EXOC2: variants seen among roughly 807,000 people sequenced by gnomAD.
The protein encoded by EXOC2 is SEC5-like 1.
A neutral mutation model predicts 131.8 loss-of-function variants in EXOC2; 70 were observed. That is an observed-to-expected ratio of 0.53 (90% confidence interval 0.44 to 0.65). The LOEUF is 0.65. Ranked by LOEUF, EXOC2 falls within the 30% of genes least tolerant of loss-of-function variation. The pLI, the probability that EXOC2 is intolerant of heterozygous loss-of-function variation, is 0.00. For missense variants in EXOC2, 923 were observed against 1,108.6 expected (o/e 0.83, Z 2.38); for synonymous variants, 411 against 398.4 (o/e 1.03, Z -0.38).
intron 10 of EXOC2, 123 bp from the exon 11 acceptor site, chr6:592,710 A>C (rs1759609438): frequency 1.5e-6 from 1 of 659,378 alleles, no homozygotes; most frequent in Admixed American, 2.9e-5. Flanking sequence ...AGTCTTTAAT[A>C]TTTAATTCTC....
In EXOC2 at chr6:549,992, CAG is replaced by C. The variant is rs528957360; in HGVS notation, c.2122-703_2122-702del. Among the ~76,000 whole-genome samples the C allele has an allele frequency of 6.0e-4, 92 of 152,340 alleles. 2 individuals are homozygous for C. In the South Asian group the frequency reaches 0.019, roughly 31 times the overall value. ...TAAAGTAATTTCTTACGAAAACTAC[CAG>C]ACACAAATGCTGATAAACACAGTGT... On this transcript the variant is annotated intron_variant, in intron 21 of 27. Transcript: ENST00000230449.
At chr6:608,031 A>G (rs1332889154) in intron 7 of EXOC2, among the ~76,000 whole-genome samples, 1 of 152,276 alleles carries the variant, frequency 6.6e-6, no homozygotes, top group Non-Finnish European at 1.5e-5. Context: ...ACATTAGTAT[A>G]TAATTATACA....
intron 16 of EXOC2, among the ~76,000 whole-genome samples, chr6:563,554 G>A (rs1382696085): frequency 2.0e-5 from 3 of 151,970 alleles, no homozygotes; most frequent in Non-Finnish European, 2.9e-5. Context: ...AAACCTTTAT[G>A]GTTTTTTTAT....
chr6:605,308 T>C (rs142549057), intron 7 of EXOC2, among the ~76,000 whole-genome samples: 12 of 152,358 alleles, frequency 7.9e-5, no homozygotes, highest in African/African-American at 1.7e-4. Flanking sequence ...AAAACGTTTG[T>C]TGAAACATTA....
intron 1 of EXOC2, among the ~76,000 whole-genome samples, chr6:682,294 G>A (rs1041327794): frequency 4.6e-5 from 7 of 151,554 alleles, no homozygotes; most frequent in Admixed American, 3.9e-4. Context: ...CTGCCTTCCG[G>A]GTTCATGCCA....
At chr6:641,383 C>G (rs1397989158) in intron 1 of EXOC2, among the ~76,000 whole-genome samples, 1 of 152,122 alleles carries the variant, frequency 6.6e-6, no homozygotes, top group Non-Finnish European at 1.5e-5. Flanking sequence ...TATTCATGAT[C>G]CTCTCAAACC....
intron 1 of EXOC2, among the ~76,000 whole-genome samples, chr6:688,313 T>C (rs553024033): frequency 1.4e-4 from 21 of 150,932 alleles, no homozygotes; most frequent in Middle Eastern, 3.4e-3. Context: ...CATGGATTTA[T>C]AGGGGCACAG....
At chr6:652,308 T>C (rs1317511871) in intron 1 of EXOC2, among the ~76,000 whole-genome samples, 1 of 152,228 alleles carries the variant, frequency 6.6e-6, no homozygotes, top group Non-Finnish European at 1.5e-5. Flanking sequence ...CACATCTTAG[T>C]AAGCCAGAGG....
At chr6:522,564 C>G (rs188155920) in intron 23 of EXOC2, among the ~76,000 whole-genome samples, 2 of 142,094 alleles carry the variant, frequency 1.4e-5, no homozygotes, top group African/African-American at 2.7e-5. Flanking sequence ...GCCAGGCCCA[C>G]GTGGACGACA....
At chr6:658,662 TA>T (rs1441779121) in intron 1 of EXOC2, among the ~76,000 whole-genome samples, 55 of 68,662 alleles carry the variant, frequency 8.0e-4, no homozygotes, top group African/African-American at 2.5e-3. Flanking sequence ...TATATATATA[TA>T]TATTTTTTTT....
chr6:580,539 A>T (rs1483343124), intron 11 of EXOC2, among the ~76,000 whole-genome samples: 1 of 152,046 alleles, frequency 6.6e-6, no homozygotes, highest in African/African-American at 2.4e-5. Context: ...GCAGGAAATG[A>T]TTACCTTGGG....
At chr6:535,447 A>G (rs1418408745) in intron 22 of EXOC2, among the ~76,000 whole-genome samples, 1 of 152,182 alleles carries the variant, frequency 6.6e-6, no homozygotes, top group Non-Finnish European at 1.5e-5. Context: ...ATGAAGAAAT[A>G]AAGAAAAAAA....
chr6:510,097 C>A (rs755411947), intron 23 of EXOC2, among the ~76,000 whole-genome samples: 2 of 151,320 alleles, frequency 1.3e-5, no homozygotes, highest in Admixed American at 1.3e-4. Flanking sequence ...GAAATTACTG[C>A]CTAATTAAAA....
At chr6:690,730 C>T (rs898148440) in intron 1 of EXOC2, among the ~76,000 whole-genome samples, 2 of 152,140 alleles carry the variant, frequency 1.3e-5, no homozygotes, top group Non-Finnish European at 2.9e-5. Context: ...TTCATAATTT[C>T]ATTACAATTA....
At position 598,873 on chromosome 6, in the gene EXOC2, T is replaced by C; in HGVS notation, c.957A>G (p.Gln319=). The part of the protein sequence containing the change: ...AKSLFGKTEV[Q]VFKKYYAEVE... ...CATGAATCTTACATTTCTTGAAAAC[T>C]TGCACCTCCGTTTTCCCAAAAAGTG... Residue 319 remains glutamine, a synonymous_variant, in exon 9 of 28, where the codon CAA becomes CAG. Transcript: ENST00000230449. 6.2e-7 allele frequency: 1 copy of C among 1,610,824 alleles called. No homozygotes were observed. The highest frequency in any genetic ancestry group is 1.1e-5 in the South Asian group (1 of 89,832).
chr6:505,543 C>T lies in EXOC2; in HGVS notation c.2381-5843G>A, dbSNP rs77649658. Among the ~76,000 whole-genome samples, 627 of 152,276 alleles carry T rather than the reference C, an allele frequency of 4.1e-3. 15 individuals are homozygous for T. In the East Asian group the frequency reaches 0.075, roughly 18 times the overall value. Reference sequence around the variant, plus strand: ...GTTTTTAAGAGGCTAGGGAGGCATCCGCCAGACAGCAGGCAGCCAACAAGC... The same window carrying T: ...GTTTTTAAGAGGCTAGGGAGGCATCTGCCAGACAGCAGGCAGCCAACAAGC... On this transcript the variant is annotated intron_variant, in intron 23 of 27. Transcript: ENST00000230449.
chr6:506,076 T>C lies in EXOC2; in HGVS notation c.2381-6376A>G, dbSNP rs573956770. Among the ~76,000 whole-genome samples the C allele has an allele frequency of 4.5e-4, 68 of 152,358 alleles. No individual in the cohort carries two copies. The highest frequency in any genetic ancestry group is 6.5e-4 in the Non-Finnish European group (44 of 68,026). On this transcript the variant is annotated intron_variant, in intron 23 of 27. Transcript: ENST00000230449. The surrounding 1 kb of genome is among the most constrained non-coding windows in gnomAD (Gnocchi z 4.4). ...GGGAAAGCATACAATCTCTCGCTTC[T>C]CACAAAGACAGTCCTTTTGAGCATC...
chr6:619,366 G>A (rs1238198877), intron 5 of EXOC2, 64 bp downstream of exon 5: 45 of 1,325,560 alleles, frequency 3.4e-5, no homozygotes, highest in African/African-American at 4.3e-5. Context: ...TCGAGTTACC[G>A]TGTAATTCCA....
At chr6:607,132 G>C (rs141379559) in intron 7 of EXOC2, among the ~76,000 whole-genome samples, 54 of 152,308 alleles carry the variant, frequency 3.5e-4, no homozygotes, top group African/African-American at 1.3e-3. Context: ...TGCAGCTATG[G>C]TGACTGCCCT....
Sources: gnomAD v4.1 joint callset for allele counts (sites outside exome capture counted in the v4.1 genomes callset) on GRCh38, gnomAD v4.1.1 for gene constraint, Gnocchi (gnomAD v3.1) non-coding constraint, MANE v1.5 for transcripts, NCBI Gene and HGNC (gene_info 2026-07-23, HGNC 2026-07-21) for gene names.